The following CELF2 variants were observed in gnomAD, a reference collection of about 807,000 sequenced individuals.
The protein encoded by CELF2 is CUG triplet repeat RNA-binding protein 2.
A neutral mutation model predicts 62.6 loss-of-function variants in CELF2; 8 were observed. That is an observed-to-expected ratio of 0.13 (90% CI 0.07 to 0.23). CELF2 has a LOEUF of 0.23. CELF2 is among the 10% of genes least tolerant of loss of function. The pLI is 1.00. For synonymous variants in CELF2, 258 were observed against 250.0 expected, an observed-to-expected ratio of 1.03 and a Z score of -0.30; for missense variants, 333 against 671.0, an observed-to-expected ratio of 0.50 and a Z score of 5.56.
chr10:11,171,683 T>C (rs568366620), intron 2 of CELF2, among the ~76,000 whole-genome samples: 33 of 152,350 alleles, frequency 2.2e-4, no homozygotes, highest in African/African-American at 7.7e-4. Flanking sequence ...CTGGTACTTA[T>C]CATGACCAGC....
chr10:10,779,906 G>C, the CELF2 span, among the ~76,000 whole-genome samples: 1 of 151,872 alleles, frequency 6.6e-6, no homozygotes, highest in South Asian at 2.1e-4. Context: ...ATCTCCCAGA[G>C]ACCTAAAGGC....
At chr10:10,770,242 C>T in the CELF2 span, among the ~76,000 whole-genome samples, 1 of 151,840 alleles carries the variant, frequency 6.6e-6, no homozygotes, top group Non-Finnish European at 1.5e-5. Context: ...TCTCATAGAA[C>T]ATTCAAGTGG....
At chr10:10,799,583 G>A (rs2054441011) in intron 1 of CELF2, among the ~76,000 whole-genome samples, 1 of 151,952 alleles carries the variant, frequency 6.6e-6, no homozygotes, top group Non-Finnish European at 1.5e-5. Context: ...TTCCTCCTCT[G>A]ACCTCTCCCC....
chr10:10,958,739 G>A (rs1366143180), intron 2 of CELF2, among the ~76,000 whole-genome samples: 1 of 152,088 alleles, frequency 6.6e-6, no homozygotes, highest in East Asian at 1.9e-4. Flanking sequence ...AGCTACTCAG[G>A]AGGCTTAGGT....
At chr10:10,713,309 G>A in the CELF2 span, among the ~76,000 whole-genome samples, 7 of 152,152 alleles carry the variant, frequency 4.6e-5, no homozygotes, top group African/African-American at 1.7e-4. Context: ...TCTCATCACT[G>A]GAAGGCATGT....
the CELF2 span, among the ~76,000 whole-genome samples, chr10:10,669,728 ACG>A: frequency 9.9e-5 from 15 of 152,172 alleles, no homozygotes; most frequent in African/African-American, 3.6e-4. Flanking sequence ...GACACTGCTA[ACG>A]CTCCCTCTTC....
chr10:11,307,971 T>C (rs916774783), intron 9 of CELF2, among the ~76,000 whole-genome samples: 1 of 152,220 alleles, frequency 6.6e-6, no homozygotes, highest in Non-Finnish European at 1.5e-5. Context: ...AAGATGACGT[T>C]CTGCACAGTG....
the CELF2 span, among the ~76,000 whole-genome samples, chr10:10,679,794 C>T: frequency 2.0e-5 from 3 of 152,150 alleles, no homozygotes; most frequent in Non-Finnish European, 4.4e-5. Flanking sequence ...ACATTGCTGT[C>T]CATTGAAAAA....
intron 1 of CELF2, among the ~76,000 whole-genome samples, chr10:11,028,479 G>A (rs1406603642): frequency 5.3e-5 from 8 of 151,236 alleles, no homozygotes; most frequent in Non-Finnish European, 1.0e-4. Flanking sequence ...AAGTGCAGTG[G>A]CGCGATCCCG....
chr10:11,245,903 G>C (rs1213623882), intron 3 of CELF2, among the ~76,000 whole-genome samples: 1 of 152,172 alleles, frequency 6.6e-6, no homozygotes, highest in Non-Finnish European at 1.5e-5. Context: ...GTGTGGTTTA[G>C]GGGAGGCATC....
chr10:10,790,427 T>C, the CELF2 span, among the ~76,000 whole-genome samples: 1 of 152,220 alleles, frequency 6.6e-6, no homozygotes, highest in South Asian at 2.1e-4. Flanking sequence ...TGGAAATGCT[T>C]GCATAGTTTC....
At chr10:11,166,541 G>A (rs942760441) in intron 2 of CELF2, among the ~76,000 whole-genome samples, 1 of 152,138 alleles carries the variant, frequency 6.6e-6, no homozygotes, top group Non-Finnish European at 1.5e-5. Context: ...CTGTTTTAAC[G>A]TTTTTGCTTT....
chr10:11,251,891 G>A (rs991628047), intron 4 of CELF2, among the ~76,000 whole-genome samples: 24 of 152,244 alleles, frequency 1.6e-4, no homozygotes, highest in Non-Finnish European at 4.4e-5. Context: ...CTGAGCAGCA[G>A]AGGCCGGCCT....
At chr10:11,021,012 C>T (rs555923486) in intron 1 of CELF2, among the ~76,000 whole-genome samples, 32 of 152,258 alleles carry the variant, frequency 2.1e-4, no homozygotes, top group African/African-American at 6.7e-4. Context: ...ATAATGAAAA[C>T]AGGCACTGAT....
the CELF2 span, among the ~76,000 whole-genome samples, chr10:10,673,976 C>T: frequency 6.6e-6 from 1 of 152,168 alleles, no homozygotes; most frequent in Non-Finnish European, 1.5e-5. Context: ...TCCATGTCAG[C>T]TTGAGAAGAA....
At chr10:10,866,752 CTT>C (rs2060399711) in intron 1 of CELF2, among the ~76,000 whole-genome samples, 1 of 151,326 alleles carries the variant, frequency 6.6e-6, no homozygotes, top group African/African-American at 2.4e-5. Flanking sequence ...AAAACCCCAT[CTT>C]TACTAAAAAC....
intron 2 of CELF2, among the ~76,000 whole-genome samples, chr10:10,979,865 T>A (rs1446503745): frequency 1.3e-5 from 2 of 152,124 alleles, no homozygotes; most frequent in African/African-American, 4.8e-5. Context: ...GAAAACTATG[T>A]AATTGCAAGG....
Position 11,254,345 on chromosome 10 carries a change from G to A in CELF2, c.404-3393G>A, listed in dbSNP as rs925806442. On this transcript the variant is annotated intron_variant, in intron 4 of 12. Coordinates refer to ENST00000633077, the MANE Select transcript of CELF2 (RefSeq NM_001326342.2). ...CAAAGCCCAGCACTTCTGTGCACACGCACAGGTGCGCTCACACGCCACACA... is the reference window on the plus strand; with the variant it reads ...CAAAGCCCAGCACTTCTGTGCACACACACAGGTGCGCTCACACGCCACACA... Among the ~76,000 whole-genome samples, 12 of 152,176 alleles carry A rather than the reference G, an allele frequency of 7.9e-5. No individual in the cohort carries two copies. The East Asian group carries it at 9.6e-4, about 12-fold the overall frequency.
intron 1 of CELF2, among the ~76,000 whole-genome samples, chr10:11,136,472 C>T (rs1187745316): frequency 5.9e-5 from 9 of 152,140 alleles, no homozygotes; most frequent in Non-Finnish European, 1.2e-4. Flanking sequence ...GGCATGGTGG[C>T]AGGCACCTGT....
Sources: allele counts gnomAD v4.1 joint callset (sites outside exome capture counted in the v4.1 genomes callset), GRCh38; gene constraint gnomAD v4.1.1; transcripts MANE v1.5; gene names NCBI Gene and HGNC (gene_info 2026-07-23, HGNC 2026-07-21).